Variants in POLN observed in about 807,000 individuals in gnomAD.
The protein encoded by POLN is DNA polymerase nu.
POLN carries 108 observed loss-of-function variants against 113.5 expected under a neutral mutation model. The ratio of observed to expected loss-of-function variants is 0.95; its 90% CI spans 0.81 to 1.12. POLN has a LOEUF of 1.12. Among genes scored for constraint, POLN ranks in the 50% most tolerant of loss-of-function variants. The pLI is 0.00. For synonymous variants in POLN, 386 were observed against 391.5 expected, an observed-to-expected ratio of 0.99 and a Z score of 0.17; for missense variants, 1,097 against 1,077.1, an observed-to-expected ratio of 1.02 and a Z score of -0.26.
At chr4:2,219,931 C>T (rs1407738828) in intron 3 of POLN, among the ~76,000 whole-genome samples, 1 of 152,120 alleles carries the variant, frequency 6.6e-6, no homozygotes, top group Non-Finnish European at 1.5e-5. Flanking sequence ...TAAACTCTCC[C>T]TTATCCAACC....
chr4:2,146,286 A>C (rs2108734073), intron 16 of POLN, among the ~76,000 whole-genome samples: 1 of 151,764 alleles, frequency 6.6e-6, no homozygotes, highest in Admixed American at 6.6e-5. Context: ...CAGGCGGATC[A>C]CCTGAGGTCA....
chr4:2,193,228 C>CA lies in POLN; in HGVS notation c.996dup (p.Gly333TrpfsTer3). On this transcript the variant is annotated frameshift_variant, in exon 7 of 26. Coordinates refer to ENST00000511885, the MANE Select transcript of POLN (RefSeq NM_181808.4). LOFTEE classifies it high-confidence loss of function. Reference sequence around the variant, plus strand: ...CCATGCTTCCAACTGCCATCATTGCCAAAAAACTGCAGCACTATTCTCACA... The same window carrying CA: ...CCATGCTTCCAACTGCCATCATTGCCAAAAAAACTGCAGCACTATTCTCACA... 1.9e-6 allele frequency: 3 copies of CA among 1,606,634 alleles called. No individual in the cohort carries two copies. The highest frequency in any genetic ancestry group is 2.6e-6 in the Non-Finnish European group (3 of 1,176,380).
rs1313160159 is a variant in POLN at position 2,238,479 on chromosome 4, TAG to T, written c.-13+3039_-13+3040del. 1.2e-5 allele frequency: 6 copies of T among 515,516 alleles called. No individual in the cohort carries two copies. The African/African-American group carries it at 1.2e-4, about 11-fold the overall frequency. The allele number at this position is 515,516 out of a possible 1,614,324, so 31.9% of individuals were successfully genotyped here. On this transcript the variant is annotated intron_variant, in intron 2 of 25. Transcript: ENST00000511885. ...AAGGCATATGAAAATGGAAAAAAAA[TAG>T]AAAGGCCAAAAGTGAAATGCAAAGA... is the stretch of plus-strand genomic sequence containing the variant.
intron 19 of POLN, among the ~76,000 whole-genome samples, chr4:2,115,343 C>T (rs1283627343): frequency 1.3e-5 from 2 of 151,800 alleles, no homozygotes; most frequent in Non-Finnish European, 2.9e-5. Flanking sequence ...GTTAGGATTA[C>T]AGGCATGAGC....
intron 16 of POLN, among the ~76,000 whole-genome samples, chr4:2,144,433 G>A (rs1248699364): frequency 2.6e-5 from 4 of 151,878 alleles, no homozygotes; most frequent in East Asian, 1.9e-4. Context: ...GTGAGCCACC[G>A]CCCCTGGTCC....
At chr4:2,203,951 T>C (rs1413938493) in intron 5 of POLN, among the ~76,000 whole-genome samples, 1 of 150,148 alleles carries the variant, frequency 6.7e-6, no homozygotes, top group Admixed American at 6.6e-5. Flanking sequence ...CTCTACTAAA[T>C]ACAAAAAATT....
At chr4:2,188,558 G>A (rs1213189951) in intron 7 of POLN, among the ~76,000 whole-genome samples, 4 of 150,654 alleles carry the variant, frequency 2.7e-5, no homozygotes, top group Admixed American at 2.0e-4. Context: ...CCGAGATTGC[G>A]CCACTGCACT....
At chr4:2,192,738 C>T (rs1733482421) in intron 7 of POLN, among the ~76,000 whole-genome samples, 1 of 151,796 alleles carries the variant, frequency 6.6e-6, no homozygotes, top group South Asian at 2.1e-4. Flanking sequence ...GAAGCTGAGA[C>T]AGGAGGATGG....
chr4:2,241,809 A>G lies in POLN; in HGVS notation c.-283-19T>C. On this transcript the variant is annotated intron_variant, in intron 1 of 25. Transcript: ENST00000511885. ...AAGCACGCTGACAAAACAAACGCAC[A>G]AGCCCACCGAATCGCCGTCGACACC... 1.0e-6 allele frequency: 1 copy of G among 985,406 alleles called. No homozygotes were observed. The highest frequency in any genetic ancestry group is 1.2e-6 in the Non-Finnish European group (1 of 829,936). 61.0% of individuals were successfully genotyped at this position (985,406 alleles called of 1,614,324 possible).
chr4:2,178,805 T>C (rs1441129439), intron 8 of POLN, among the ~76,000 whole-genome samples: 1 of 152,074 alleles, frequency 6.6e-6, no homozygotes, highest in Non-Finnish European at 1.5e-5. Flanking sequence ...AGAGACAGGG[T>C]TTCACCAGGT....
At chr4:2,078,683 A>G in intron 23 of POLN, 1 of 985,402 alleles carries the variant, frequency 1.0e-6, no homozygotes, top group Non-Finnish European at 1.2e-6. Context: ...TGGAAGAACA[A>G]ATCACGTTCA....
At chr4:2,124,763 T>C (rs1482018617) in intron 19 of POLN, among the ~76,000 whole-genome samples, 3 of 152,150 alleles carry the variant, frequency 2.0e-5, no homozygotes, top group African/African-American at 7.2e-5. Flanking sequence ...GGCTTTGACT[T>C]GTCCCTTGCT....
Position 2,079,355 on chromosome 4 carries a change from A to T in POLN, c.2387+1603T>A, listed in dbSNP as rs1441675619. On this transcript the variant is annotated intron_variant, in intron 23 of 25. Coordinates refer to ENST00000511885, the MANE Select transcript of POLN (RefSeq NM_181808.4). ...CTGGGAGAAGCTATAATTTACCTGCAGAAACTGTGGAAGTGAGCGGGATGC... is the reference window on the plus strand; with the variant it reads ...CTGGGAGAAGCTATAATTTACCTGCTGAAACTGTGGAAGTGAGCGGGATGC... The T allele has an allele frequency of 3.3e-6, 3 of 896,470 alleles. No individual in the cohort carries two copies. In the East Asian group the frequency reaches 3.6e-4, roughly 107 times the overall value. 55.5% of individuals were successfully genotyped at this position (896,470 alleles called of 1,614,324 possible).
chr4:2,094,677 G>A (rs1021506985), intron 20 of POLN, among the ~76,000 whole-genome samples: 6 of 152,210 alleles, frequency 3.9e-5, no homozygotes, highest in Non-Finnish European at 5.9e-5. Flanking sequence ...TGTTCCCATA[G>A]AGGGAAGAGT....
intron 19 of POLN, among the ~76,000 whole-genome samples, chr4:2,115,228 A>ATATATATATATATT (rs72052264): frequency 7.7e-6 from 1 of 129,988 alleles, no homozygotes; most frequent in African/African-American, 2.9e-5. Flanking sequence ...ATATATATAT[A>ATATATATATATATT]TTTTTTTTTT....
intron 19 of POLN, among the ~76,000 whole-genome samples, chr4:2,102,530 G>T (rs1230382677): frequency 3.3e-5 from 5 of 152,098 alleles, no homozygotes; most frequent in Non-Finnish European, 7.4e-5. Context: ...GGCTGCCCAG[G>T]AGCTCGAGAG....
rs1373203035 is a variant in POLN, at chr4:2,078,727, G to A, written c.2387+2231C>T. Reference sequence around the variant, plus strand: ...AGACCATGTGCCCAATATTCCACACGAGTCTGCTTTGCATTTTGCTATGAG... The same window carrying A: ...AGACCATGTGCCCAATATTCCACACAAGTCTGCTTTGCATTTTGCTATGAG... On this transcript the variant is annotated intron_variant, in intron 23 of 25. Transcript: ENST00000511885. 3.8e-5 allele frequency: 37 copies of A among 985,428 alleles called. No individual in the cohort carries two copies. In the South Asian group the frequency reaches 4.7e-4, roughly 13 times the overall value. The allele number at this position is 985,428 out of a possible 1,614,324, so 61.0% of individuals were successfully genotyped here. A position where few individuals can be genotyped will look rare whatever the true frequency, so the allele number is the denominator to read the frequency against.
intron 19 of POLN, among the ~76,000 whole-genome samples, chr4:2,119,252 G>A (rs559743774): frequency 6.6e-6 from 1 of 152,344 alleles, no homozygotes; most frequent in Non-Finnish European, 1.5e-5. Flanking sequence ...TGAGTTGAAT[G>A]CACAGCTGAT....
chr4:2,171,565 C>T, intron 11 of POLN, among the ~76,000 whole-genome samples: 1 of 151,926 alleles, frequency 6.6e-6, no homozygotes, highest in Non-Finnish European at 1.5e-5. Context: ...TCTCAACAAA[C>T]AAACACATAC....
Sources: gnomAD v4.1 joint callset for allele counts (sites outside exome capture counted in the v4.1 genomes callset) on GRCh38, gnomAD v4.1.1 for gene constraint, MANE v1.5 for transcripts, NCBI Gene and HGNC (gene_info 2026-07-23, HGNC 2026-07-21) for gene names.